PRKN: variants seen among roughly 807,000 people sequenced by gnomAD.
PRKN encodes the protein E3 ubiquitin-protein ligase parkin.
Under a neutral mutation model 59.5 loss-of-function variants are expected in PRKN, and 56 were observed. The observed-to-expected ratio is 0.94, with a 90% CI of 0.76 to 1.18. The LOEUF (loss-of-function observed/expected upper bound fraction) is 1.18. PRKN is among the 50% of genes most tolerant of loss of function. PRKN has a pLI of 0.00. For missense variants in PRKN, 657 were observed against 596.4 expected (o/e 1.10, Z -1.06); for synonymous variants, 250 against 222.1 (o/e 1.13, Z -1.12).
At chr6:161,375,050 G>A (rs961991463) in intron 10 of PRKN, among the ~76,000 whole-genome samples, 2 of 151,990 alleles carry the variant, frequency 1.3e-5, no homozygotes, top group African/African-American at 4.8e-5. Flanking sequence ...CAGGGGACCC[G>A]CAGGCTGTGA....
chr6:162,417,607 C>T lies in PRKN; in HGVS notation c.171+25703G>A, dbSNP rs548005030. On this transcript the variant is annotated intron_variant, in intron 2 of 11. Transcript: ENST00000366898. ...TTTAAAGCCACAAGTAGTTCAAGCA[C>T]TGAGGGCCAGATGGTACCCTTTGAA... is the stretch of plus-strand genomic sequence containing the variant. Among the ~76,000 whole-genome samples the T allele has an allele frequency of 3.0e-4, 46 of 152,312 alleles. 1 individual carries two copies. In the South Asian group the frequency reaches 9.1e-3, roughly 30 times the overall value.
intron 9 of PRKN, among the ~76,000 whole-genome samples, chr6:161,441,150 T>C (rs1789199457): frequency 6.6e-6 from 1 of 152,138 alleles, no homozygotes; most frequent in African/African-American, 2.4e-5. Context: ...GCCAAAGCTG[T>C]GGCCACCGCA....
At chr6:162,231,580 T>C (rs1224058418) in intron 3 of PRKN, among the ~76,000 whole-genome samples, 11 of 152,176 alleles carry the variant, frequency 7.2e-5, no homozygotes, top group Admixed American at 5.9e-4. Context: ...GCCTGCTGGA[T>C]CTGTATCTAG....
chr6:161,621,929 A>C (rs1037559361), intron 7 of PRKN, among the ~76,000 whole-genome samples: 1 of 152,126 alleles, frequency 6.6e-6, no homozygotes, highest in African/African-American at 2.4e-5. Flanking sequence ...TCACTTCTTA[A>C]TTTCCTCAAT....
chr6:162,716,809 G>C (rs1239558453), intron 1 of PRKN, among the ~76,000 whole-genome samples: 1 of 141,160 alleles, frequency 7.1e-6, no homozygotes, highest in South Asian at 2.3e-4. Flanking sequence ...CACACACACA[G>C]ACTCCTCATG....
At chr6:162,253,079 C>T in intron 3 of PRKN, among the ~76,000 whole-genome samples, 1 of 152,190 alleles carries the variant, frequency 6.6e-6, no homozygotes, top group East Asian at 1.9e-4. Context: ...CTGTTGTCTA[C>T]AGTAACCTGG....
intron 2 of PRKN, among the ~76,000 whole-genome samples, chr6:162,287,538 A>G (rs1781248824): frequency 6.6e-6 from 1 of 152,140 alleles, no homozygotes; most frequent in African/African-American, 2.4e-5. Context: ...ACTGCACTCC[A>G]GCCCGGGCAA....
At chr6:161,718,581 G>C (rs1787086550) in intron 7 of PRKN, among the ~76,000 whole-genome samples, 3 of 134,986 alleles carry the variant, frequency 2.2e-5, no homozygotes, top group African/African-American at 1.1e-4. Flanking sequence ...GCCTTCTCAG[G>C]GTCATTCTCA....
chr6:161,986,574 G>A (rs897361692), intron 5 of PRKN, among the ~76,000 whole-genome samples: 1 of 151,880 alleles, frequency 6.6e-6, no homozygotes, highest in African/African-American at 2.4e-5. Flanking sequence ...GAGCTGGAGT[G>A]GGGTGAGAAC....
intron 2 of PRKN, among the ~76,000 whole-genome samples, chr6:162,383,566 A>G (rs1265235531): frequency 5.9e-5 from 9 of 152,178 alleles, no homozygotes; most frequent in Non-Finnish European, 1.3e-4. Context: ...AAGCAAGGTC[A>G]GAGTAGATTC....
intron 5 of PRKN, among the ~76,000 whole-genome samples, chr6:162,026,414 G>A (rs977306446): frequency 3.9e-5 from 6 of 152,200 alleles, no homozygotes; most frequent in African/African-American, 1.4e-4. Flanking sequence ...TGTAGGTCCT[G>A]TAACCTACTG....
rs577160878 is a variant in PRKN, at chr6:162,431,066, A to G, written c.171+12244T>C. ...TCAGTGTTATTATGTTGGTCCCTTA[A>G]AAAAAACAGGGCTGGCAGGTTTTGC... On this transcript the variant is annotated intron_variant, in intron 2 of 11. Transcript: ENST00000366898. Among the ~76,000 whole-genome samples the G allele has an allele frequency of 1.8e-3, 278 of 152,196 alleles. 1 individual carries two copies. Among genetic ancestry groups the G allele is most frequent in the Non-Finnish European group, 2.6e-3 (180 of 67,998 alleles).
At chr6:162,105,777 C>T (rs1191108011) in intron 4 of PRKN, among the ~76,000 whole-genome samples, 1 of 152,102 alleles carries the variant, frequency 6.6e-6, no homozygotes, top group Non-Finnish European at 1.5e-5. Context: ...TCTCTGAGAA[C>T]AATAGAGCAG....
intron 6 of PRKN, among the ~76,000 whole-genome samples, chr6:161,805,993 T>G (rs1377014954): frequency 1.3e-5 from 2 of 152,138 alleles, no homozygotes; most frequent in African/African-American, 2.4e-5. Context: ...GGTCGACGAG[T>G]TCTTCCCCAC....
chr6:161,957,297 T>G (rs1337981459), intron 6 of PRKN, among the ~76,000 whole-genome samples: 1 of 152,194 alleles, frequency 6.6e-6, no homozygotes, highest in Non-Finnish European at 1.5e-5. Context: ...CAACATCATA[T>G]GACAGAGAGG....
intron 5 of PRKN, among the ~76,000 whole-genome samples, chr6:162,004,535 G>T (rs1782175464): frequency 6.6e-6 from 1 of 152,142 alleles, no homozygotes; most frequent in South Asian, 2.1e-4. Context: ...TTAATTATTT[G>T]CTTGAAGATA....
chr6:161,795,538 G>A (rs1451261191), intron 6 of PRKN, among the ~76,000 whole-genome samples: 1 of 152,010 alleles, frequency 6.6e-6, no homozygotes. Flanking sequence ...AGCCTCCTTT[G>A]TATTGTTTTC....
chr6:162,206,672 T>C (rs1767312675), intron 3 of PRKN, among the ~76,000 whole-genome samples: 2 of 152,166 alleles, frequency 1.3e-5, no homozygotes. Flanking sequence ...TCCTGTGGAA[T>C]AGATGCATGG....
intron 9 of PRKN, among the ~76,000 whole-genome samples, chr6:161,389,492 C>T (rs571535437): frequency 6.6e-6 from 1 of 152,220 alleles, no homozygotes; most frequent in Admixed American, 6.5e-5. Flanking sequence ...TGCATCAGAA[C>T]GTCCTTACAC....
Sources: gnomAD v4.1 joint callset for allele counts (sites outside exome capture counted in the v4.1 genomes callset) on GRCh38, gnomAD v4.1.1 for gene constraint, MANE v1.5 for transcripts, NCBI Gene and HGNC (gene_info 2026-07-23, HGNC 2026-07-21) for gene names.